The following COL18A1 variants were observed in gnomAD, a reference collection of about 807,000 sequenced individuals.
The protein encoded by COL18A1 is collagen type XVIII alpha 1 chain.
Under a neutral mutation model 168.0 loss-of-function variants are expected in COL18A1, and 133 were observed. The ratio of observed to expected loss-of-function variants is 0.79; its 90% CI spans 0.69 to 0.91. The LOEUF is 0.91. Among genes scored for constraint, COL18A1 ranks in the 40% least tolerant of loss-of-function variants. The pLI is 0.00. For missense variants in COL18A1, 2,126 were observed against 1,925.4 expected (o/e 1.10, Z -1.95); for synonymous variants, 949 against 809.0 (o/e 1.17, Z -2.94).
chr21:45,503,280 G>C (rs1048572544), intron 32 of COL18A1, among the ~76,000 whole-genome samples: 1 of 44,588 alleles, frequency 2.2e-5, no homozygotes, highest in African/African-American at 7.0e-5. Flanking sequence ...GTGTGAGATG[G>C]TATCTCATTG....
At chr21:45,488,143 G>A (rs190267095) in intron 17 of COL18A1, among the ~76,000 whole-genome samples, 8 of 152,364 alleles carry the variant, frequency 5.3e-5, no homozygotes, top group South Asian at 4.1e-4. Flanking sequence ...AAGCCACAGC[G>A]TCCAGCTTCA....
chr21:45,425,719 C>A lies in COL18A1; in HGVS notation c.106+20246C>A, dbSNP rs1354600604. Among the ~76,000 whole-genome samples, 1 of 152,142 alleles carries A rather than the reference C, an allele frequency of 6.6e-6. No homozygotes were observed. Among genetic ancestry groups the A allele is most frequent in the South Asian group, 2.1e-4 (1 of 4,832 alleles). ...GACTTGGGCAGCAGAAAGGAAACAT[C>A]CCTGGGGGCCTGTGGTGACCCCCAT... On this transcript the variant is annotated intron_variant, in intron 2 of 41. Coordinates refer to ENST00000651438, the MANE Select transcript of COL18A1 (RefSeq NM_001379500.1). This position sits in a 1 kb window ranked among gnomAD's most constrained non-coding sequence, Gnocchi z 4.1.
chr21:45,440,197 T>C (rs2034331449), intron 2 of COL18A1, among the ~76,000 whole-genome samples: 1 of 152,232 alleles, frequency 6.6e-6, no homozygotes, highest in South Asian at 2.1e-4. Flanking sequence ...CCAGCTCAGC[T>C]TCCTCACCTG....
At chr21:45,501,668 C>T (rs1276617946) in intron 32 of COL18A1, among the ~76,000 whole-genome samples, 1 of 151,234 alleles carries the variant, frequency 6.6e-6, no homozygotes, top group Non-Finnish European at 1.5e-5. Context: ...CAGCCGGTCA[C>T]CTCCCTCTGC....
intron 40 of COL18A1, 43 bp downstream of exon 40, chr21:45,510,304 A>C: frequency 6.4e-7 from 1 of 1,553,632 alleles, no homozygotes; most frequent in South Asian, 1.2e-5. Context: ...CTCGGCCCCC[A>C]CTTGACCTCT....
intron 2 of COL18A1, among the ~76,000 whole-genome samples, chr21:45,418,531 C>T (rs932385934): frequency 3.3e-5 from 5 of 152,268 alleles, no homozygotes; most frequent in South Asian, 4.2e-4. Flanking sequence ...TTGTCTGCTG[C>T]GATCACTGCA....
intron 2 of COL18A1, among the ~76,000 whole-genome samples, chr21:45,437,594 TCACA>T (rs1318072561): frequency 8.1e-5 from 1 of 12,386 alleles, no homozygotes. Flanking sequence ...ACACACACAC[TCACA>T]CACTCAGACA....
At chr21:45,465,589 T>C (rs912488569) in intron 2 of COL18A1, among the ~76,000 whole-genome samples, 6 of 152,222 alleles carry the variant, frequency 3.9e-5, no homozygotes, top group Admixed American at 3.9e-4. Context: ...CTCTTTTCCC[T>C]GGAAAGTGGG....
In COL18A1 at chr21:45,480,335, C is replaced by T. The variant is rs114211166; in HGVS notation, c.1399-132C>T. On this transcript the variant is annotated intron_variant, in intron 11 of 41. Coordinates refer to ENST00000651438, the MANE Select transcript of COL18A1 (RefSeq NM_001379500.1). ...ACCTGCCTTCAGGCTTCTCTGGGGG[C>T]AGCAGAGGGGCCGTGGTTTCTCAGC... The T allele has an allele frequency of 2.7e-3, 4,109 of 1,522,894 alleles. 93 individuals are homozygous for T. The African/African-American group carries it at 0.05, about 18-fold the overall frequency. The allele number at this position is 1,522,894 out of a possible 1,614,324, so 94.3% of individuals were successfully genotyped here.
chr21:45,448,998 G>C (rs1023758188), intron 2 of COL18A1, among the ~76,000 whole-genome samples: 5 of 152,218 alleles, frequency 3.3e-5, no homozygotes, highest in Admixed American at 3.3e-4. Flanking sequence ...CCATGGCAGG[G>C]GACTGTGTGT....
At chr21:45,455,439 A>C in intron 2 of COL18A1, 1 of 1,558,134 alleles carries the variant, frequency 6.4e-7, no homozygotes, top group Non-Finnish European at 8.7e-7. Context: ...GGAAGCCTGC[A>C]CAGGGGAGGG....
At chr21:45,488,943 C>A (rs2036206341) in intron 18 of COL18A1, among the ~76,000 whole-genome samples, 1 of 152,060 alleles carries the variant, frequency 6.6e-6, no homozygotes, top group African/African-American at 2.4e-5. Flanking sequence ...GGGCAGGTGC[C>A]TGAGCAGGGA....
At position 45,503,388 on chromosome 21, in the gene COL18A1, C is replaced by A. The variant is rs186322758; in HGVS notation, c.2684-623C>A. On this transcript the variant is annotated intron_variant, in intron 32 of 41. Transcript: ENST00000651438. ...TGTCTTCTTTTGAGAAGTGTCTGTT[C>A]ATGTCCTTTGCCCACTTTTTGATGG... Among the ~76,000 whole-genome samples, 13 of 152,114 alleles carry A rather than the reference C, an allele frequency of 8.5e-5. No homozygotes were observed. The East Asian group carries it at 2.5e-3, about 29-fold the overall frequency.
intron 8 of COL18A1, 137 bp from the exon 9 acceptor site, chr21:45,478,190 G>A (rs1422452484): frequency 5.1e-5 from 58 of 1,142,726 alleles, no homozygotes; most frequent in Non-Finnish European, 6.7e-5. Flanking sequence ...GGCTCCTGGC[G>A]CGGGTGCGAG....
rs375198952 is a variant in COL18A1, at chr21:45,480,820, C to T, written c.1573C>T (p.Pro525Ser). Residue 525 changes from proline to serine, a missense_variant, in exon 13 of 42, where the codon CCT becomes TCT. Pro to Ser is a moderately conservative substitution (Grantham distance 74, BLOSUM62 -1). Transcript: ENST00000651438. ...AGGACCCGCCGGCCTTCCTGGTGTG[C>T]CTGGGCGCGAGGGTCCCCCCGGGTT... is the stretch of plus-strand genomic sequence containing the variant. ...VPGPAGLPGV[P>S]GREGPPGFPG... 1.4e-5 allele frequency: 22 copies of T among 1,611,888 alleles called. No homozygotes were observed. Among genetic ancestry groups the T allele is most frequent in the Non-Finnish European group, 1.7e-5 (20 of 1,179,680 alleles).
chr21:45,429,760 G>A (rs2033902522), intron 2 of COL18A1, among the ~76,000 whole-genome samples: 4 of 152,180 alleles, frequency 2.6e-5, no homozygotes, highest in Admixed American at 2.6e-4. Context: ...TCAGCTGCCA[G>A]TGCCCCCTCC....
chr21:45,512,385 C>CTG lies in COL18A1; in HGVS notation c.4008_4009dup (p.Ala1337ValfsTer45). The CTG allele has an allele frequency of 1.2e-6, 2 of 1,612,604 alleles. No individual in the cohort carries two copies. Among genetic ancestry groups the CTG allele is most frequent in the Non-Finnish European group, 1.7e-6 (2 of 1,179,776 alleles). ...CTCTGCATTGAGAACAGCTTCATGA[C>CTG]TGCCTCCAAGTAGCCACCGCCTGGA... is the stretch of plus-strand genomic sequence containing the variant. On this transcript the variant is annotated frameshift_variant, in exon 42 of 42. Coordinates refer to ENST00000651438, the MANE Select transcript of COL18A1 (RefSeq NM_001379500.1). LOFTEE classifies it high-confidence loss of function.
At chr21:45,426,014 G>A (rs1292103696) in intron 2 of COL18A1, among the ~76,000 whole-genome samples, 2 of 152,172 alleles carry the variant, frequency 1.3e-5, no homozygotes, top group Admixed American at 6.5e-5. Flanking sequence ...CACTGCCCCC[G>A]CCCCGCCCCC....
chr21:45,453,097 A>G (rs1569296951), intron 2 of COL18A1, among the ~76,000 whole-genome samples: 1 of 151,592 alleles, frequency 6.6e-6, no homozygotes, highest in African/African-American at 2.4e-5. Flanking sequence ...TTCATGTATG[A>G]CATGTAAGCA....
Sources: gnomAD v4.1 joint callset for allele counts (sites outside exome capture counted in the v4.1 genomes callset) on GRCh38, gnomAD v4.1.1 for gene constraint, Gnocchi (gnomAD v3.1) non-coding constraint, MANE v1.5 for transcripts, NCBI Gene and HGNC (gene_info 2026-07-23, HGNC 2026-07-21) for gene names.